The following MMRN1 variants were observed in gnomAD, a reference collection of about 807,000 sequenced individuals.
MMRN1 encodes the protein multimerin-1.
Under a neutral mutation model 100.7 loss-of-function variants are expected in MMRN1, and 94 were observed. That is an observed-to-expected ratio of 0.93 (90% confidence interval 0.79 to 1.11). The LOEUF is 1.11. Ranked by LOEUF, MMRN1 falls within the 50% of genes least tolerant of loss-of-function variation. MMRN1 has a pLI of 0.00. For missense variants in MMRN1, 1,606 were observed against 1,439.1 expected (o/e 1.12, Z -1.88); for synonymous variants, 575 against 505.0 (o/e 1.14, Z -1.86).
chr4:89,942,528 G>C (rs923121870), intron 6 of MMRN1, among the ~76,000 whole-genome samples: 4 of 152,026 alleles, frequency 2.6e-5, no homozygotes, highest in Non-Finnish European at 5.9e-5. Context: ...TATGAAGTCT[G>C]AAAAACATAC....
chr4:89,882,124 G>C (rs1720833238), intron 1 of MMRN1, among the ~76,000 whole-genome samples: 1 of 151,708 alleles, frequency 6.6e-6, no homozygotes, highest in African/African-American at 2.4e-5. Flanking sequence ...CTATGATATG[G>C]AGTGGGGGAT....
intron 6 of MMRN1, among the ~76,000 whole-genome samples, chr4:89,948,404 C>G (rs1057343372): frequency 4.6e-5 from 7 of 151,974 alleles, no homozygotes; most frequent in African/African-American, 1.7e-4. Flanking sequence ...TTTCTATGGA[C>G]AGAGATGGTA....
At chr4:89,951,512 T>C in intron 6 of MMRN1, 93 bp from the exon 7 acceptor site, 1 of 1,310,482 alleles carries the variant, frequency 7.6e-7, no homozygotes, top group Non-Finnish European at 1.0e-6. Context: ...TAAAATTCAG[T>C]CTTTTTCCTA....
chr4:89,948,423 C>A (rs1723057995), intron 6 of MMRN1, among the ~76,000 whole-genome samples: 1 of 151,964 alleles, frequency 6.6e-6, no homozygotes, highest in Non-Finnish European at 1.5e-5. Flanking sequence ...TAACTCATGT[C>A]TAATAAGATA....
intron 6 of MMRN1, 118 bp downstream of exon 6, chr4:89,936,916 A>G: frequency 1.1e-6 from 1 of 885,196 alleles, no homozygotes; most frequent in Non-Finnish European, 1.6e-6. Flanking sequence ...ACTTGGATAG[A>G]TAGTCAAGTT....
intron 6 of MMRN1, among the ~76,000 whole-genome samples, chr4:89,943,127 C>T (rs1722885125): frequency 6.6e-6 from 1 of 151,990 alleles, no homozygotes; most frequent in African/African-American, 2.4e-5. Context: ...CAAGAAGAAA[C>T]AAAAGAGACA....
At position 89,909,379 on chromosome 4, in the gene MMRN1, G is replaced by A. The variant is rs913754035; in HGVS notation, c.727G>A (p.Gly243Arg). The change falls in exon 2 of 8, where the codon GGA becomes AGA. Residue 243 changes from glycine to arginine, a missense_variant. Gly to Arg is a moderately radical substitution (Grantham distance 125). Transcript: ENST00000264790. ...GAAAGGACCTTGTGGCTGGACCGGT[G>A]GATCCTGTCCTCAGAGGTATGTAAT... ...GGKGPCGWTGGSCPQRSQKIS... is the reference protein window; with the variant it reads ...GGKGPCGWTGRSCPQRSQKIS... 18 of 1,609,474 alleles carry A rather than the reference G, an allele frequency of 1.1e-5. No homozygotes were observed. Among genetic ancestry groups the A allele is most frequent in the East Asian group, 2.2e-5 (1 of 44,650 alleles).
rs760753838 is a variant in MMRN1, at chr4:89,935,193, T to C, written c.1513T>C (p.Ser505Pro). 3 of 1,613,356 alleles carry C rather than the reference T, an allele frequency of 1.9e-6. No homozygotes were observed. The highest frequency in any genetic ancestry group is 1.7e-5 in the Admixed American group (1 of 59,918). ...EHSRSILYYE[S>P]LNKTLSKLKE... is the part of the protein sequence containing the mutation. ...CTCAAGAAGCATTCTGTATTATGAA[T>C]CCCTCAATAAAACTCTTTCTAAATT... is the stretch of plus-strand genomic sequence containing the variant. The change falls in exon 6 of 8, where the codon TCC becomes CCC. Residue 505 changes from serine (S) to proline (P), a missense_variant. Coordinates refer to ENST00000264790, the MANE Select transcript of MMRN1 (RefSeq NM_007351.3).
chr4:89,910,140 A>G (rs1367243102), intron 2 of MMRN1, among the ~76,000 whole-genome samples: 3 of 151,394 alleles, frequency 2.0e-5, no homozygotes, highest in Non-Finnish European at 4.4e-5. Flanking sequence ...AGTGCACAAT[A>G]AGGATACATA....
rs943762365 is a variant in MMRN1, at chr4:89,925,450, C to G, written c.955+2178C>G. On this transcript the variant is annotated intron_variant, in intron 4 of 7. Coordinates refer to ENST00000264790, the MANE Select transcript of MMRN1 (RefSeq NM_007351.3). ...GCCGTGAGCCACTGTGACTTAGTCT[C>G]TAACAATTTTTTTATACCCAAATAA... 2.0e-5 allele frequency among the ~76,000 whole-genome samples: 3 copies of G among 147,412 alleles called. No individual in the cohort carries two copies. In the East Asian group the frequency reaches 5.9e-4, roughly 29 times the overall value.
intron 1 of MMRN1, among the ~76,000 whole-genome samples, chr4:89,881,947 C>T (rs1028924847): frequency 2.0e-5 from 3 of 151,860 alleles, no homozygotes; most frequent in Non-Finnish European, 4.4e-5. Context: ...ACACTTGTTT[C>T]CAATATCTAT....
intron 7 of MMRN1, among the ~76,000 whole-genome samples, chr4:89,952,094 A>G (rs1347078479): frequency 6.6e-6 from 1 of 152,174 alleles, no homozygotes; most frequent in Admixed American, 6.6e-5. Context: ...CTCCTCAAAC[A>G]AGCAGTTAAA....
intron 5 of MMRN1, among the ~76,000 whole-genome samples, chr4:89,933,400 C>T (rs1238611555): frequency 6.6e-6 from 1 of 152,164 alleles, no homozygotes; most frequent in Admixed American, 6.5e-5. Context: ...GTCGCTTCCA[C>T]ATTTTCAGGT....
chr4:89,930,378 G>GT (rs758949071), intron 5 of MMRN1, among the ~76,000 whole-genome samples: 8 of 151,940 alleles, frequency 5.3e-5, no homozygotes, highest in African/African-American at 1.5e-4. Context: ...CATTTTCATT[G>GT]TTTTTTCTCC....
At chr4:89,914,318 T>C (rs890063810) in intron 3 of MMRN1, among the ~76,000 whole-genome samples, 7 of 151,392 alleles carry the variant, frequency 4.6e-5, no homozygotes, top group African/African-American at 1.7e-4. Context: ...GGGATGTGGA[T>C]CCATCTCGAA....
rs76745155 is a variant in MMRN1 at position 89,932,601 on chromosome 4, A to G, written c.1130-2209A>G. On this transcript the variant is annotated intron_variant, in intron 5 of 7. Transcript: ENST00000264790. ...TCTAGGTGGAGGTTCCCAAACCTCA[A>G]TCCTTGACTTCTCTGCACCTTCAAG... Among the ~76,000 whole-genome samples the G allele has an allele frequency of 8.2e-3, 1,256 of 152,282 alleles. 21 individuals carry two copies. The highest frequency in any genetic ancestry group is 0.026 in the African/African-American group (1,094 of 41,564).
At chr4:89,948,451 T>C (rs1487453821) in intron 6 of MMRN1, among the ~76,000 whole-genome samples, 1 of 152,216 alleles carries the variant, frequency 6.6e-6, no homozygotes, top group Non-Finnish European at 1.5e-5. Context: ...TTATCAATAA[T>C]AATTGTAAAT....
intron 6 of MMRN1, among the ~76,000 whole-genome samples, chr4:89,945,371 G>A (rs1722956809): frequency 6.6e-6 from 1 of 152,088 alleles, no homozygotes; most frequent in African/African-American, 2.4e-5. Context: ...TACAGCAGTA[G>A]CATAGTTTGG....
Position 89,941,037 on chromosome 4 carries a change from A to G in MMRN1, c.3118+4239A>G, listed in dbSNP as rs558428417. 2.0e-5 allele frequency among the ~76,000 whole-genome samples: 3 copies of G among 152,286 alleles called. No individual in the cohort carries two copies. The East Asian group carries it at 5.8e-4, about 29-fold the overall frequency. On this transcript the variant is annotated intron_variant, in intron 6 of 7. Transcript: ENST00000264790. ...GTGCATTGATAAGCACTGAAAATAA[A>G]TGTCAAAGAATGGTTTTCTCCAAGC...
Sources: allele counts gnomAD v4.1 joint callset (sites outside exome capture counted in the v4.1 genomes callset), GRCh38; gene constraint gnomAD v4.1.1; transcripts MANE v1.5; gene names NCBI Gene and HGNC (gene_info 2026-07-23, HGNC 2026-07-21).